LHFPL4: variants seen among roughly 807,000 people sequenced by gnomAD.
LHFPL4 encodes the protein LHFPL tetraspan subfamily member 4 protein.
Under a neutral mutation model 20.0 loss-of-function variants are expected in LHFPL4, and 6 were observed. That is an observed-to-expected ratio of 0.30 (90% CI 0.16 to 0.59). LHFPL4 has a LOEUF of 0.59. LHFPL4 is among the 20% of genes least tolerant of loss of function. The pLI is 0.88. For synonymous variants in LHFPL4, 129 were observed against 143.8 expected, an observed-to-expected ratio of 0.90 and a Z score of 0.74; for missense variants, 215 against 331.2, an observed-to-expected ratio of 0.65 and a Z score of 2.72.
At chr3:9,512,487 A>G (rs143427699) in intron 2 of LHFPL4, among the ~76,000 whole-genome samples, 279 of 152,322 alleles carry the variant, frequency 1.8e-3, no homozygotes, top group African/African-American at 6.4e-3. Context: ...TGCCTGGGGA[A>G]GGAGGTAAGT....
chr3:9,542,301 A>T (rs2046481908), intron 2 of LHFPL4, among the ~76,000 whole-genome samples: 1 of 152,148 alleles, frequency 6.6e-6, no homozygotes, highest in Non-Finnish European at 1.5e-5. Context: ...GAAAAAAAAG[A>T]AATTTGTATA....
At chr3:9,545,074 G>A (rs2046503182) in intron 2 of LHFPL4, among the ~76,000 whole-genome samples, 2 of 152,084 alleles carry the variant, frequency 1.3e-5, no homozygotes, top group Non-Finnish European at 2.9e-5. Context: ...ACACGACACG[G>A]TCAGTAAAGG....
At chr3:9,516,339 C>G (rs138743226) in intron 2 of LHFPL4, among the ~76,000 whole-genome samples, 4 of 152,052 alleles carry the variant, frequency 2.6e-5, no homozygotes, top group East Asian at 3.9e-4. Flanking sequence ...TTGGAGAGAC[C>G]ATCTCTTCCC....
intron 2 of LHFPL4, among the ~76,000 whole-genome samples, chr3:9,519,186 G>A (rs2125659271): frequency 1.3e-5 from 2 of 151,964 alleles, no homozygotes. Context: ...CAATCCTCCT[G>A]CCTCAGCCTC....
chr3:9,503,961 G>A (rs2046197454), intron 3 of LHFPL4, among the ~76,000 whole-genome samples: 1 of 152,214 alleles, frequency 6.6e-6, no homozygotes. Flanking sequence ...AGGAGTTTGA[G>A]GCTGCAGTGA....
chr3:9,509,246 C>G (rs990255535), intron 2 of LHFPL4, among the ~76,000 whole-genome samples: 107 of 146,868 alleles, frequency 7.3e-4, no homozygotes, highest in African/African-American at 1.5e-3. Context: ...TTCGCACCCC[C>G]CTCTCTCTCT....
At chr3:9,509,178 T>C (rs553103931) in intron 2 of LHFPL4, among the ~76,000 whole-genome samples, 1 of 152,166 alleles carries the variant, frequency 6.6e-6, no homozygotes, top group South Asian at 2.1e-4. Flanking sequence ...TCTGCCTCTG[T>C]CTCTCTCTTT....
chr3:9,520,060 T>G (rs1318779869), intron 2 of LHFPL4, among the ~76,000 whole-genome samples: 2 of 152,124 alleles, frequency 1.3e-5, no homozygotes, highest in African/African-American at 2.4e-5. Context: ...TAGATCTTTC[T>G]TCTTTTCTAA....
At chr3:9,535,740 T>C (rs1261268876) in intron 2 of LHFPL4, among the ~76,000 whole-genome samples, 1 of 152,154 alleles carries the variant, frequency 6.6e-6, no homozygotes, top group Non-Finnish European at 1.5e-5. Context: ...GTGAATGATT[T>C]CTGTCCACAT....
intron 2 of LHFPL4, among the ~76,000 whole-genome samples, chr3:9,507,693 C>A (rs550013953): frequency 6.6e-6 from 1 of 152,242 alleles, no homozygotes; most frequent in South Asian, 2.1e-4. Flanking sequence ...TAGCAACCCA[C>A]CTGTCCCAAT....
intron 2 of LHFPL4, among the ~76,000 whole-genome samples, chr3:9,518,335 A>G (rs776102252): frequency 1.3e-5 from 2 of 152,132 alleles, no homozygotes; most frequent in African/African-American, 4.8e-5. Flanking sequence ...TTTTGGATCT[A>G]TGTTCATGAG....
chr3:9,544,370 A>G (rs898548726), intron 2 of LHFPL4, among the ~76,000 whole-genome samples: 2 of 152,014 alleles, frequency 1.3e-5, no homozygotes, highest in African/African-American at 4.8e-5. Flanking sequence ...TCATGCCTGT[A>G]TCCCAGTACT....
intron 3 of LHFPL4, 129 bp from the exon 4 acceptor site, chr3:9,502,440 G>A (rs1179499522): frequency 7.2e-6 from 5 of 691,006 alleles, no homozygotes; most frequent in Admixed American, 4.3e-5. Flanking sequence ...GGTGGCTGAC[G>A]CCTGTAATCC....
At chr3:9,516,156 A>G (rs2046299655) in intron 2 of LHFPL4, among the ~76,000 whole-genome samples, 1 of 152,226 alleles carries the variant, frequency 6.6e-6, no homozygotes, top group Non-Finnish European at 1.5e-5. Context: ...GTATCTAAAA[A>G]GTCATTGCCA....
chr3:9,507,622 G>C (rs2046227960), intron 2 of LHFPL4, among the ~76,000 whole-genome samples: 1 of 152,262 alleles, frequency 6.6e-6, no homozygotes, highest in African/African-American at 2.4e-5. Flanking sequence ...AGGAAGAGAA[G>C]GGGCAGGCTC....
chr3:9,513,290 C>A (rs1007184959), intron 2 of LHFPL4, among the ~76,000 whole-genome samples: 20 of 151,966 alleles, frequency 1.3e-4, no homozygotes, highest in African/African-American at 3.9e-4. Flanking sequence ...GAGATAATAA[C>A]CTTGGGTCAT....
intron 2 of LHFPL4, among the ~76,000 whole-genome samples, chr3:9,524,387 A>T (rs1304275448): frequency 6.6e-6 from 1 of 152,004 alleles, no homozygotes; most frequent in East Asian, 1.9e-4. Context: ...AAATGTTACA[A>T]CTTTTGTAGC....
rs1217978960 is a variant in LHFPL4, at chr3:9,502,030, T to A, written c.*181A>T. On this transcript the variant is annotated 3_prime_UTR_variant, in exon 4 of 4. Transcript: ENST00000287585. ...AGACCCTCCCAAGGTTTGGAGGGCCTCTCCTCTCCCCCAGGCCACATCCAG... is the reference window on the plus strand; with the variant it reads ...AGACCCTCCCAAGGTTTGGAGGGCCACTCCTCTCCCCCAGGCCACATCCAG... 1.6e-6 allele frequency: 1 copy of A among 616,924 alleles called. No individual in the cohort carries two copies. The highest frequency in any genetic ancestry group is 2.7e-5 in the East Asian group (1 of 36,374). 38.2% of individuals were successfully genotyped at this position (616,924 alleles called of 1,614,324 possible).
chr3:9,525,045 A>T (rs767615331), intron 2 of LHFPL4, among the ~76,000 whole-genome samples: 6 of 152,098 alleles, frequency 3.9e-5, no homozygotes, highest in Non-Finnish European at 7.4e-5. Flanking sequence ...AGGCAGATGG[A>T]GTTTCCTTCC....
Sources: gnomAD v4.1 joint callset for allele counts (sites outside exome capture counted in the v4.1 genomes callset) on GRCh38, gnomAD v4.1.1 for gene constraint, MANE v1.5 for transcripts, NCBI Gene and HGNC (gene_info 2026-07-23, HGNC 2026-07-21) for gene names.